The following ZFHX3 variants were observed in gnomAD, a reference collection of about 807,000 sequenced individuals.
The protein encoded by ZFHX3 is zinc finger homeobox 3, also known as zinc finger homeobox protein 3.
ZFHX3 carries 42 observed loss-of-function variants against 279.1 expected under a neutral mutation model. The ratio of observed to expected loss-of-function variants is 0.15; its 90% CI spans 0.12 to 0.19. The LOEUF (loss-of-function observed/expected upper bound fraction) is 0.19, where lower values mean the gene tolerates loss of function less well. Among genes scored for constraint, ZFHX3 ranks in the 10% least tolerant of loss-of-function variants. ZFHX3 has a pLI of 1.00. For synonymous variants in ZFHX3, 2,293 were observed against 1,957.8 expected, an observed-to-expected ratio of 1.17 and a Z score of -4.52; for missense variants, 4,981 against 4,754.0, an observed-to-expected ratio of 1.05 and a Z score of -1.40.
At chr16:73,377,973 C>T (rs1463857109) in intron 3 of ZFHX3, among the ~76,000 whole-genome samples, 1 of 128,180 alleles carries the variant, frequency 7.8e-6, no homozygotes, top group Non-Finnish European at 1.5e-5. Context: ...GCGGAGCTTG[C>T]AGTGAGCCAA....
chr16:73,490,127 C>T (rs1298661221), intron 2 of ZFHX3, among the ~76,000 whole-genome samples: 3 of 152,168 alleles, frequency 2.0e-5, no homozygotes, highest in Non-Finnish European at 4.4e-5. Flanking sequence ...CATTTCACGT[C>T]TTAAAGTTAA....
intron 3 of ZFHX3, among the ~76,000 whole-genome samples, chr16:73,358,506 G>T (rs80049963): frequency 6.6e-6 from 1 of 152,202 alleles, no homozygotes; most frequent in South Asian, 2.1e-4. Context: ...TTGAGATGAT[G>T]GCGGCCCTGG....
At chr16:73,097,525 T>C (rs1488963915) in intron 7 of ZFHX3, among the ~76,000 whole-genome samples, 3 of 152,248 alleles carry the variant, frequency 2.0e-5, no homozygotes, top group East Asian at 1.9e-4. Flanking sequence ...TATATACATA[T>C]GTCTCAAGTT....
rs1157308264 is a variant in ZFHX3, at chr16:72,843,546, C to T, written c.3449-13687G>A. Among the ~76,000 whole-genome samples the T allele has an allele frequency of 5.7e-5, 8 of 140,868 alleles. No homozygotes were observed. The South Asian group carries it at 9.1e-4, about 16-fold the overall frequency. The allele number at this position is 140,868 out of a possible 152,430, so 92.4% of individuals were successfully genotyped here. ...AAAAAAAAAAAAAAAAAAAGCCACA[C>T]AGTGAGGAAACCTGAAGGAGGGTGT... On this transcript the variant is annotated intron_variant, in intron 4 of 9. Coordinates refer to ENST00000268489, the MANE Select transcript of ZFHX3 (RefSeq NM_006885.4).
At chr16:73,041,513 C>T (rs1005854818) in intron 1 of ZFHX3, among the ~76,000 whole-genome samples, 4 of 151,940 alleles carry the variant, frequency 2.6e-5, no homozygotes, top group Non-Finnish European at 4.4e-5. Flanking sequence ...CCAACAGGGG[C>T]CCAGGTAACA....
At chr16:72,955,201 G>A (rs2144417969) in intron 2 of ZFHX3, among the ~76,000 whole-genome samples, 1 of 152,276 alleles carries the variant, frequency 6.6e-6, no homozygotes, top group African/African-American at 2.4e-5. Context: ...GGTTTCCAGG[G>A]ACTCCCCGTG....
In ZFHX3 at chr16:73,327,789, G is replaced by T. The variant is rs188517447; in HGVS notation, c.-1290-9453C>A. The stretch of plus-strand genomic sequence containing the variant: ...ACTGCAATCTCACATTCACCCATGT[G>T]TGGTTTAACTGAATTTTGTGCACCG... On this transcript the variant is annotated intron_variant, in intron 3 of 17. Coordinates refer to the ZFHX3 transcript ENST00000641206. Among the ~76,000 whole-genome samples, 404 of 152,314 alleles carry T rather than the reference G, an allele frequency of 2.7e-3. 1 individual carries two copies. The highest frequency in any genetic ancestry group is 3.5e-3 in the Non-Finnish European group (236 of 68,024).
chr16:73,502,130 A>G (rs1178112703), intron 2 of ZFHX3, among the ~76,000 whole-genome samples: 3 of 152,110 alleles, frequency 2.0e-5, no homozygotes, highest in Admixed American at 2.0e-4. Flanking sequence ...AAGCCCATAG[A>G]TGAAGAAACA....
At chr16:73,688,168 C>T (rs2053110386) in intron 1 of ZFHX3, among the ~76,000 whole-genome samples, 1 of 151,758 alleles carries the variant, frequency 6.6e-6, no homozygotes, top group Non-Finnish European at 1.5e-5. Context: ...ATTAGCCTGG[C>T]CAACATGGTG....
At chr16:73,806,169 G>A (rs1299507752) in intron 1 of ZFHX3, among the ~76,000 whole-genome samples, 2 of 152,192 alleles carry the variant, frequency 1.3e-5, no homozygotes, top group Non-Finnish European at 2.9e-5. Flanking sequence ...TTGCCCCAGT[G>A]ATTCAATTAT....
intron 2 of ZFHX3, among the ~76,000 whole-genome samples, chr16:73,560,853 A>C (rs1373322472): frequency 6.6e-6 from 1 of 152,116 alleles, no homozygotes; most frequent in Non-Finnish European, 1.5e-5. Context: ...GAGTTAAAAC[A>C]CTCTGTGAGA....
chr16:72,998,472 A>C (rs777817884), intron 1 of ZFHX3, among the ~76,000 whole-genome samples: 5 of 152,216 alleles, frequency 3.3e-5, no homozygotes, highest in Non-Finnish European at 5.9e-5. Context: ...TATTTAACCG[A>C]ATCTGTCTAC....
intron 1 of ZFHX3, among the ~76,000 whole-genome samples, chr16:73,767,062 A>T (rs2053956614): frequency 6.6e-6 from 1 of 151,370 alleles, no homozygotes; most frequent in Non-Finnish European, 1.5e-5. Context: ...CAGCCTCCTG[A>T]GTAGCTGGGA....
chr16:73,619,428 C>T (rs2052335843), intron 2 of ZFHX3, among the ~76,000 whole-genome samples: 1 of 150,848 alleles, frequency 6.6e-6, no homozygotes, highest in South Asian at 2.1e-4. Flanking sequence ...GCAGAGCTGG[C>T]AGTGAGCGGA....
At chr16:73,279,267 T>C (rs2014396684) in intron 4 of ZFHX3, among the ~76,000 whole-genome samples, 1 of 152,164 alleles carries the variant, frequency 6.6e-6, no homozygotes, top group Non-Finnish European at 1.5e-5. Flanking sequence ...AATCAGATTT[T>C]TGTTATCAAA....
intron 7 of ZFHX3, among the ~76,000 whole-genome samples, chr16:73,109,545 G>A (rs1160311898): frequency 8.8e-5 from 13 of 148,408 alleles, no homozygotes; most frequent in Admixed American, 8.7e-4. Context: ...ACAAACTCGT[G>A]AAGCATTCCG....
intron 4 of ZFHX3, among the ~76,000 whole-genome samples, chr16:72,865,002 A>C (rs909894232): frequency 1.3e-5 from 2 of 152,250 alleles, no homozygotes; most frequent in African/African-American, 4.8e-5. Context: ...GGTGAGGCCA[A>C]TATTCCTCTA....
intron 2 of ZFHX3, among the ~76,000 whole-genome samples, chr16:73,618,793 C>A (rs866204354): frequency 6.6e-6 from 1 of 152,192 alleles, no homozygotes; most frequent in South Asian, 2.1e-4. Flanking sequence ...CATGTTAGAT[C>A]TTTGGTACCA....
At chr16:73,795,217 A>G (rs1197114778) in intron 1 of ZFHX3, among the ~76,000 whole-genome samples, 1 of 152,198 alleles carries the variant, frequency 6.6e-6, no homozygotes, top group African/African-American at 2.4e-5. Context: ...TCTGATACAT[A>G]TGCCAAGAAA....
Sources: allele counts gnomAD v4.1 joint callset (sites outside exome capture counted in the v4.1 genomes callset), GRCh38; gene constraint gnomAD v4.1.1; transcripts MANE v1.5; gene names NCBI Gene and HGNC (gene_info 2026-07-23, HGNC 2026-07-21).